The following RTN4 variants were observed in gnomAD, a reference collection of about 807,000 sequenced individuals.
RTN4 encodes reticulon-4.
Under a neutral mutation model 90.4 loss-of-function variants are expected in RTN4, and 32 were observed. The ratio of observed to expected loss-of-function variants is 0.35; its 90% CI spans 0.27 to 0.48. RTN4 has a LOEUF of 0.48. Among genes scored for constraint, RTN4 ranks in the 20% least tolerant of loss-of-function variants. The probability of loss-of-function intolerance (pLI) is 0.99; values close to 1 mark genes in which losing one functional copy is unlikely to be tolerated. For synonymous variants in RTN4, 629 were observed against 552.5 expected (o/e 1.14, Z -1.94); for missense variants, 1,706 against 1,430.2 (o/e 1.19, Z -3.11).
chr2:55,029,050 T>C (rs1291837005), intron 1 of RTN4, among the ~76,000 whole-genome samples: 1 of 152,164 alleles, frequency 6.6e-6, no homozygotes, highest in African/African-American at 2.4e-5. Flanking sequence ...TAGGGTTAAA[T>C]GCAGTCAGGG....
chr2:55,084,417 A>G (rs1668799710), intron 1 of RTN4, among the ~76,000 whole-genome samples: 1 of 151,526 alleles, frequency 6.6e-6, no homozygotes, highest in Non-Finnish European at 1.5e-5. Flanking sequence ...CTGGGATTAC[A>G]GGTGTGAGCC....
chr2:55,097,365 G>C (rs557803324), intron 1 of RTN4, among the ~76,000 whole-genome samples: 5 of 151,956 alleles, frequency 3.3e-5, no homozygotes, highest in Non-Finnish European at 5.9e-5. Flanking sequence ...TCTGGGGTTG[G>C]GGGGAAAGCC....
At chr2:54,982,203 G>A (rs1016103466) in intron 5 of RTN4, among the ~76,000 whole-genome samples, 6 of 151,872 alleles carry the variant, frequency 4.0e-5, no homozygotes, top group African/African-American at 7.2e-5. Context: ...TAATCCACCC[G>A]CCTCGGCCTC....
intron 2 of RTN4, among the ~76,000 whole-genome samples, chr2:55,057,818 T>C (rs1158100876): frequency 1.3e-5 from 2 of 152,004 alleles, no homozygotes; most frequent in Non-Finnish European, 2.9e-5. Flanking sequence ...AACCTATCTC[T>C]ACAAAAAATA....
upstream of RTN4, among the ~76,000 whole-genome samples, chr2:55,114,057 A>G (rs1668081836): frequency 6.6e-6 from 1 of 152,220 alleles, no homozygotes; most frequent in African/African-American, 2.4e-5. Flanking sequence ...GTACTTGTTG[A>G]AAGTTTTGTT....
chr2:55,062,775 C>G (rs1394128056), intron 2 of RTN4, among the ~76,000 whole-genome samples: 1 of 152,156 alleles, frequency 6.6e-6, no homozygotes, highest in Admixed American at 6.5e-5. Context: ...TTATGAATGT[C>G]CTTTATCATT....
At chr2:55,106,264 C>T (rs975963383) in intron 1 of RTN4, among the ~76,000 whole-genome samples, 1 of 152,098 alleles carries the variant, frequency 6.6e-6, no homozygotes, top group Non-Finnish European at 1.5e-5. Context: ...TGGGTGACAG[C>T]TCACCCTACC....
intron 2 of RTN4, among the ~76,000 whole-genome samples, chr2:55,067,090 G>A (rs182120952): frequency 3.4e-4 from 51 of 152,224 alleles, no homozygotes; most frequent in African/African-American, 1.0e-3. Context: ...AATAGTTTCT[G>A]AACCTATAAA....
chr2:55,113,183 G>T (rs902169176), upstream of RTN4, among the ~76,000 whole-genome samples: 1 of 152,210 alleles, frequency 6.6e-6, no homozygotes, highest in Non-Finnish European at 1.5e-5. Flanking sequence ...ACCACCAAAA[G>T]AAGCCCTCTC....
At chr2:55,080,388 G>A (rs181970926) in intron 2 of RTN4, 12 of 152,172 alleles carry the variant, frequency 7.9e-5, no homozygotes, top group East Asian at 1.9e-4. Flanking sequence ...CTAATTATCC[G>A]GGGTAGGTGG....
At chr2:55,135,566 T>C in the RTN4 span, among the ~76,000 whole-genome samples, 1 of 152,230 alleles carries the variant, frequency 6.6e-6, no homozygotes, top group East Asian at 1.9e-4. Flanking sequence ...TTTAAATCAT[T>C]CTGCTTCTTT....
At chr2:55,124,421 C>T in the RTN4 span, among the ~76,000 whole-genome samples, 5 of 152,314 alleles carry the variant, frequency 3.3e-5, no homozygotes, top group Admixed American at 2.6e-4. Context: ...AAAGAGGTGG[C>T]CTTCAAACCA....
chr2:54,973,384 A>G, intron 8 of RTN4, 179 bp downstream of exon 8: 1 of 757,978 alleles, frequency 1.3e-6, no homozygotes, highest in Non-Finnish European at 2.2e-6. Context: ...CCTTAAACAC[A>G]TAATAAACCC....
At chr2:55,130,900 A>C in the RTN4 span, among the ~76,000 whole-genome samples, 2 of 152,214 alleles carry the variant, frequency 1.3e-5, no homozygotes, top group African/African-American at 4.8e-5. Flanking sequence ...GATTAGAGCA[A>C]CAAAAAGAAG....
chr2:55,134,755 G>T, the RTN4 span, among the ~76,000 whole-genome samples: 1 of 152,020 alleles, frequency 6.6e-6, no homozygotes, highest in Non-Finnish European at 1.5e-5. Flanking sequence ...AAGCTTTTTG[G>T]GCCCACCGAA....
intron 1 of RTN4, among the ~76,000 whole-genome samples, chr2:55,088,186 G>C (rs752818816): frequency 6.6e-6 from 1 of 152,196 alleles, no homozygotes; most frequent in Non-Finnish European, 1.5e-5. Context: ...GGATGGCAGA[G>C]ACAAATTCTA....
intron 1 of RTN4, among the ~76,000 whole-genome samples, chr2:55,110,556 T>C (rs1346864521): frequency 6.6e-6 from 1 of 152,084 alleles, no homozygotes; most frequent in African/African-American, 2.4e-5. Flanking sequence ...AGAAAACAAA[T>C]GTTCCCAAAC....
chr2:55,130,993 C>T, the RTN4 span, among the ~76,000 whole-genome samples: 2 of 152,048 alleles, frequency 1.3e-5, no homozygotes, highest in Non-Finnish European at 2.9e-5. Context: ...GTCCTGGGCC[C>T]CCATCTGTCT....
intron 3 of RTN4, among the ~76,000 whole-genome samples, chr2:55,009,919 A>G (rs1214158835): frequency 6.6e-6 from 1 of 152,226 alleles, no homozygotes; most frequent in African/African-American, 2.4e-5. Context: ...ATTTTCTGGT[A>G]TACAACCAAA....
Sources: gnomAD v4.1 joint callset for allele counts (sites outside exome capture counted in the v4.1 genomes callset) on GRCh38, gnomAD v4.1.1 for gene constraint, MANE v1.5 for transcripts, NCBI Gene and HGNC (gene_info 2026-07-23, HGNC 2026-07-21) for gene names.